Variants in BBS1 observed in about 807,000 individuals in gnomAD.
BBS1 encodes the protein BBSome complex member BBS1.
In BBS1, 60 loss-of-function variants were observed where a neutral mutation model predicts 73.9. That is an observed-to-expected ratio of 0.81 (90% CI 0.66 to 1.01). BBS1 has a LOEUF of 1.01. Ranked by LOEUF, BBS1 falls within the 50% of genes least tolerant of loss-of-function variation. The pLI is 0.00. For missense variants in BBS1, 718 were observed against 770.3 expected, an observed-to-expected ratio of 0.93 and a Z score of 0.80; for synonymous variants, 283 against 317.4, an observed-to-expected ratio of 0.89 and a Z score of 1.15.
intron 3 of BBS1, 122 bp downstream of exon 3, chr11:66,511,361 C>A: frequency 2.5e-6 from 3 of 1,211,928 alleles, no homozygotes; most frequent in South Asian, 1.4e-5. Context: ...TGAAAAAGCA[C>A]ATTTAGCGTT....
At chr11:66,516,122 C>CTTTT (rs35735110) in intron 7 of BBS1, among the ~76,000 whole-genome samples, 189 bp downstream of exon 7, 31 of 99,358 alleles carry the variant, frequency 3.1e-4, no homozygotes, top group Non-Finnish European at 3.8e-4. Context: ...GTAGTGACAG[C>CTTTT]TTTTTTTTTT....
At position 66,521,313 on chromosome 11, in the gene BBS1, A is replaced by T; in HGVS notation, c.767A>T (p.Gln256Leu). The T allele has an allele frequency of 6.2e-7, 1 of 1,614,238 alleles. No individual in the cohort carries two copies. Among genetic ancestry groups the T allele is most frequent in the Non-Finnish European group, 8.5e-7 (1 of 1,180,036 alleles). The change falls in exon 9 of 17, where the codon CAG becomes CTG. Residue 256 changes from glutamine (Q) to leucine (L), a missense_variant. Gln to Leu is a moderately radical substitution (Grantham distance 113). Coordinates refer to ENST00000318312, the MANE Select transcript of BBS1 (RefSeq NM_024649.5). ...CCCGTCTTCCTAGAGGTTTCTGGCC[A>T]GTTTGATGTTGAGTTCCGGCTTGCC... ...SVPVFLEVSGQFDVEFRLAAA... is the reference protein window; with the variant it reads ...SVPVFLEVSGLFDVEFRLAAA...
chr11:66,521,998 A>C (rs1162688742), intron 9 of BBS1, among the ~76,000 whole-genome samples: 1 of 150,768 alleles, frequency 6.6e-6, no homozygotes, highest in African/African-American at 2.4e-5. Flanking sequence ...TGGGTGGATC[A>C]TGAGGTCAGG....
chr11:66,528,178 T>C (rs1856603388), intron 13 of BBS1, among the ~76,000 whole-genome samples: 1 of 152,154 alleles, frequency 6.6e-6, no homozygotes, highest in African/African-American at 2.4e-5. Flanking sequence ...ATCACGCCAC[T>C]GCACTCCAGC....
intron 11 of BBS1, 84 bp from the exon 12 acceptor site, chr11:66,526,039 T>C: frequency 8.3e-7 from 1 of 1,210,204 alleles, no homozygotes; most frequent in Non-Finnish European, 1.2e-6. Context: ...TCACCTATTA[T>C]ATCTGGGGCC....
In BBS1 at chr11:66,530,948, A is replaced by G. The variant is rs1856753561; in HGVS notation, c.1528A>G (p.Thr510Ala). 5 of 1,614,070 alleles carry G rather than the reference A, an allele frequency of 3.1e-6. No individual in the cohort carries two copies. The highest frequency in any genetic ancestry group is 1.6e-4 in the Middle Eastern group (1 of 6,084). Residue 510 changes from threonine (T) to alanine (A), a missense_variant, in exon 15 of 17, where the codon ACA becomes GCA. Physicochemically the swap from Thr to Ala is moderately conservative, Grantham distance 58. Transcript: ENST00000318312. ...KLTLHLQNTS[T>A]TRPVLGLLVC... Reference sequence around the variant, plus strand: ...CACACTTCACCTGCAGAACACCTCAACAACCCGTCCTGTCCTGGGGCTGCT... The same window carrying G: ...CACACTTCACCTGCAGAACACCTCAGCAACCCGTCCTGTCCTGGGGCTGCT...
At chr11:66,510,913 TCTGTA>T in intron 1 of BBS1, 95 bp from the exon 2 acceptor site, 1 of 1,451,408 alleles carries the variant, frequency 6.9e-7, no homozygotes, top group East Asian at 2.3e-5. Flanking sequence ...ACCCAGACGT[TCTGTA>T]CCTTATGTTC....
chr11:66,529,448 C>A (rs544080564), intron 13 of BBS1: 5 of 822,176 alleles, frequency 6.1e-6, no homozygotes, highest in East Asian at 5.3e-5. Flanking sequence ...ACCAAGGACT[C>A]CTCTTTGTGG....
At chr11:66,529,513 G>C (rs1332631188) in intron 13 of BBS1, 4 of 721,352 alleles carry the variant, frequency 5.5e-6, no homozygotes, top group Non-Finnish European at 9.9e-6. Flanking sequence ...TGGAGGATGA[G>C]AAGAGGACCA....
At position 66,515,639 on chromosome 11, in the gene BBS1, G is replaced by A. The variant is rs1468764836; in HGVS notation, c.479+53G>A. 2.7e-5 allele frequency: 44 copies of A among 1,614,040 alleles called. No individual in the cohort carries two copies. In the South Asian group the frequency reaches 4.3e-4, roughly 16 times the overall value. On this transcript the variant is annotated intron_variant, in intron 5 of 16. Coordinates refer to ENST00000318312, the MANE Select transcript of BBS1 (RefSeq NM_024649.5). ...CCCCTCACTCCTTCATCCCATCTGAGCCCCAGGGCCCCATTCTTCCATTCG... is the reference window on the plus strand; with the variant it reads ...CCCCTCACTCCTTCATCCCATCTGAACCCCAGGGCCCCATTCTTCCATTCG...
intron 1 of BBS1, 138 bp downstream of exon 1, chr11:66,510,844 G>A (rs911670514): frequency 7.1e-7 from 1 of 1,405,378 alleles, no homozygotes; most frequent in South Asian, 1.2e-5. Flanking sequence ...CGAGGCCTAA[G>A]ATGTGCATAT....
At chr11:66,530,462 C>T (rs1856728152) in intron 14 of BBS1, among the ~76,000 whole-genome samples, 1 of 152,108 alleles carries the variant, frequency 6.6e-6, no homozygotes, top group African/African-American at 2.4e-5. Context: ...CTAAATGCGT[C>T]CCTGAGGTGT....
chr11:66,530,913 C>T lies in BBS1; in HGVS notation c.1493C>T (p.Thr498Ile). The T allele has an allele frequency of 2.5e-6, 4 of 1,614,220 alleles. No homozygotes were observed. The highest frequency in any genetic ancestry group is 3.4e-6 in the Non-Finnish European group (4 of 1,180,034). Reference sequence around the variant, plus strand: ...CCATAGGTTCAGGGCCTTGGCCCCACCTTTAAGCTCACACTTCACCTGCAG... The same window carrying T: ...CCATAGGTTCAGGGCCTTGGCCCCATCTTTAAGCTCACACTTCACCTGCAG... Reference protein sequence around the residue: ...LHAVVQGLGPTFKLTLHLQNT... With the variant: ...LHAVVQGLGPIFKLTLHLQNT... Residue 498 changes from threonine (T) to isoleucine (I), a missense_variant, in exon 15 of 17, where the codon ACC (threonine) becomes ATC (isoleucine). By Grantham distance (89) the Thr-to-Ile change is moderately conservative. Coordinates refer to ENST00000318312, the MANE Select transcript of BBS1 (RefSeq NM_024649.5).
Sources: gnomAD v4.1 joint callset for allele counts (sites outside exome capture counted in the v4.1 genomes callset) on GRCh38, gnomAD v4.1.1 for gene constraint, MANE v1.5 for transcripts, NCBI Gene and HGNC (gene_info 2026-07-23, HGNC 2026-07-21) for gene names.